GPM6B: variants seen among roughly 807,000 people sequenced by gnomAD.
The protein encoded by GPM6B is neuronal membrane glycoprotein M6-b.
A neutral mutation model predicts 27.2 loss-of-function variants in GPM6B; 4 were observed. The observed-to-expected ratio is 0.15, with a 90% CI of 0.07 to 0.34. The LOEUF (loss-of-function observed/expected upper bound fraction) is 0.34, where lower values mean the gene tolerates loss of function less well. Ranked by LOEUF, GPM6B falls within the 10% of genes least tolerant of loss-of-function variation. GPM6B has a pLI of 1.00. For synonymous variants in GPM6B, 124 were observed against 103.1 expected (o/e 1.20, Z -1.23); for missense variants, 183 against 261.9 (o/e 0.70, Z 2.08).
intron 4 of GPM6B, among the ~76,000 whole-genome samples, chrX:13,782,795 C>G (rs1299355023): frequency 9.6e-6 from 1 of 104,380 alleles, no homozygotes; most frequent in Admixed American, 1.0e-4. Flanking sequence ...AAATTCTTGG[C>G]TCTTGAGCTG....
At chrX:13,803,125 T>C (rs766722880) in intron 2 of GPM6B, among the ~76,000 whole-genome samples, 1 of 111,865 alleles carries the variant, frequency 8.9e-6, no homozygotes, top group African/African-American at 3.2e-5. Context: ...CCAGGACTTA[T>C]AGCTACAGGT....
intron 1 of GPM6B, among the ~76,000 whole-genome samples, chrX:13,813,782 T>G (rs1225650787): frequency 8.9e-6 from 1 of 112,345 alleles, no homozygotes; most frequent in Non-Finnish European, 1.9e-5. Flanking sequence ...TCTTATTCAT[T>G]TCCTCTGCTT....
At chrX:13,931,918 A>G (rs759483750) in intron 1 of GPM6B, among the ~76,000 whole-genome samples, 1 of 111,660 alleles carries the variant, frequency 9.0e-6, no homozygotes, top group African/African-American at 3.3e-5. Context: ...ACACTCCTCA[A>G]ATCTAAGTCA....
chrX:13,884,589 A>T (rs1393138612), intron 1 of GPM6B, among the ~76,000 whole-genome samples: 1 of 112,443 alleles, frequency 8.9e-6, no homozygotes, highest in Non-Finnish European at 1.9e-5. Context: ...CGATAATGCA[A>T]ACTCTCTAAC....
intron 1 of GPM6B, among the ~76,000 whole-genome samples, chrX:13,860,154 C>T (rs753629699): frequency 1.5e-4 from 17 of 112,373 alleles, no homozygotes; most frequent in Non-Finnish European, 3.0e-4. Context: ...GGCTTTTACA[C>T]AGGAAGGAAT....
intron 1 of GPM6B, among the ~76,000 whole-genome samples, chrX:13,883,585 T>C (rs2050104786): frequency 1.2e-5 from 1 of 81,383 alleles, no homozygotes; most frequent in African/African-American, 4.6e-5. Context: ...CCAGGCACAG[T>C]GGCATACAAG....
chrX:13,799,210 T>C (rs2048873132), intron 2 of GPM6B, among the ~76,000 whole-genome samples: 2 of 60,450 alleles, frequency 3.3e-5, no homozygotes, highest in Non-Finnish European at 6.2e-5. Context: ...TTTTTTTTTT[T>C]TTTTTTTTTT....
intron 1 of GPM6B, among the ~76,000 whole-genome samples, chrX:13,812,044 CTTTCTTTTT>C (rs1274440763): frequency 3.6e-5 from 3 of 82,667 alleles, no homozygotes; most frequent in African/African-American, 1.4e-4. Flanking sequence ...CTTTTCTTTT[CTTTCTTTTT>C]TTTTTTTTTT....
chrX:13,861,111 CAT>C (rs1182521623), intron 1 of GPM6B, among the ~76,000 whole-genome samples: 22 of 103,362 alleles, frequency 2.1e-4, no homozygotes, highest in Admixed American at 6.4e-4. Flanking sequence ...CATATACACA[CAT>C]ATATATACAC....
chrX:13,935,447 T>C (rs1295571028), intron 1 of GPM6B, among the ~76,000 whole-genome samples: 3 of 110,342 alleles, frequency 2.7e-5, no homozygotes, highest in African/African-American at 9.9e-5. Context: ...GCCCAGGAGT[T>C]CCAGGCCACA....
chrX:13,837,116 G>A (rs1446442961), intron 1 of GPM6B, among the ~76,000 whole-genome samples: 3 of 112,123 alleles, frequency 2.7e-5, no homozygotes, highest in Non-Finnish European at 5.6e-5. Context: ...AGAGCCAACT[G>A]AATAAGCTGA....
intron 2 of GPM6B, among the ~76,000 whole-genome samples, chrX:13,800,398 T>A (rs2048899661): frequency 8.9e-6 from 1 of 112,276 alleles, no homozygotes; most frequent in Non-Finnish European, 1.9e-5. Context: ...ATAATATACA[T>A]TTTTGTTTCT....
chrX:13,928,362 G>A (rs1395689808), intron 1 of GPM6B, among the ~76,000 whole-genome samples: 2 of 112,335 alleles, frequency 1.8e-5, no homozygotes, highest in Admixed American at 1.9e-4. Context: ...ATGAGTTTAC[G>A]ATATTTGTGC....
chrX:13,930,441 C>T (rs887932227), intron 1 of GPM6B, among the ~76,000 whole-genome samples: 12 of 110,933 alleles, frequency 1.1e-4, no homozygotes, highest in Admixed American at 1.9e-4. Context: ...GGTGAAACCC[C>T]GTCTCTACTA....
chrX:13,799,136 A>G (rs961352627), intron 2 of GPM6B, among the ~76,000 whole-genome samples: 1 of 109,283 alleles, frequency 9.2e-6, no homozygotes, highest in Non-Finnish European at 1.9e-5. Context: ...TCATCCCACA[A>G]AGTTAACCCT....
intron 1 of GPM6B, among the ~76,000 whole-genome samples, chrX:13,891,132 C>A (rs1025430366): frequency 1.8e-5 from 2 of 109,730 alleles, no homozygotes; most frequent in Non-Finnish European, 3.8e-5. Flanking sequence ...CCATTACTTT[C>A]AAAAAAAAGG....
chrX:13,774,421 G>T, intron 7 of GPM6B: 1 of 1,125,166 alleles, frequency 8.9e-7, no homozygotes, highest in East Asian at 3.1e-5. Context: ...TGCAAGGTGA[G>T]TTTACTAAAG....
At chrX:13,794,245 T>G (rs1233724438) in intron 2 of GPM6B, among the ~76,000 whole-genome samples, 2 of 109,983 alleles carry the variant, frequency 1.8e-5, no homozygotes, top group Non-Finnish European at 3.8e-5. Context: ...AGTGCAGCAG[T>G]GCAATCTCAG....
intron 1 of GPM6B, among the ~76,000 whole-genome samples, chrX:13,908,901 A>G (rs977958818): frequency 2.7e-5 from 3 of 112,221 alleles, no homozygotes; most frequent in African/African-American, 3.2e-5. Context: ...CTGAACACAA[A>G]GCTAGCACAC....
Sources: allele counts gnomAD v4.1 joint callset (sites outside exome capture counted in the v4.1 genomes callset), GRCh38; gene constraint gnomAD v4.1.1; transcripts MANE v1.5; gene names NCBI Gene and HGNC (gene_info 2026-07-23, HGNC 2026-07-21).